The following ERBB3 variants were observed in gnomAD, a reference collection of about 807,000 sequenced individuals.
The protein encoded by ERBB3 is erb-b2 receptor tyrosine kinase 3.
A neutral mutation model predicts 156.7 loss-of-function variants in ERBB3; 96 were observed. That is an observed-to-expected ratio of 0.61 (90% CI 0.52 to 0.73). The LOEUF (loss-of-function observed/expected upper bound fraction) is 0.73, where lower values mean the gene tolerates loss of function less well. ERBB3 is among the 30% of genes least tolerant of loss of function. The probability of loss-of-function intolerance (pLI) is 0.00; values close to 1 mark genes in which losing one functional copy is unlikely to be tolerated. For synonymous variants in ERBB3, 567 were observed against 632.0 expected (o/e 0.90, Z 1.54); for missense variants, 1,406 against 1,709.4 (o/e 0.82, Z 3.13).
Position 56,102,004 on chromosome 12 carries a change from T to G in ERBB3, c.3978T>G (p.Pro1326=). 1 of 1,613,490 alleles carries G rather than the reference T, an allele frequency of 6.2e-7. No homozygotes were observed. The highest frequency in any genetic ancestry group is 2.2e-5 in the East Asian group (1 of 44,870). The change falls in exon 28 of 28, where the codon CCT becomes CCG. Residue 1326 remains proline, a synonymous_variant. Coordinates refer to ENST00000267101, the MANE Select transcript of ERBB3 (RefSeq NM_001982.4). Reference sequence around the variant, plus strand: ...CTACAGACTCTGCCTTTGATAACCCTGATTACTGGCATAGCAGGCTTTTCC... The same window carrying G: ...CTACAGACTCTGCCTTTGATAACCCGGATTACTGGCATAGCAGGCTTTTCC... ...LEATDSAFDN[P]DYWHSRLFPK... is the part of the protein sequence containing the mutation.
At chr12:56,088,401 CA>C (rs1868557461) in intron 7 of ERBB3, 141 bp from the exon 8 acceptor site, 1 of 857,534 alleles carries the variant, frequency 1.2e-6, no homozygotes, top group African/African-American at 1.7e-5. Context: ...ATCTATAGGG[CA>C]GCACTTAAGG....
chr12:56,097,377 G>A, intron 20 of ERBB3, 147 bp downstream of exon 20: 3 of 767,234 alleles, frequency 3.9e-6, no homozygotes, highest in Non-Finnish European at 6.9e-6. Flanking sequence ...TTAGGAACCA[G>A]GCCACAGAGC....
chr12:56,089,514 G>A (rs141292133), intron 9 of ERBB3, among the ~76,000 whole-genome samples: 3,657 of 152,156 alleles, frequency 0.024, 67 homozygotes, highest in East Asian at 0.059. Flanking sequence ...TTGGGAGGCC[G>A]AGGTGGGCGG....
intron 1 of ERBB3, chr12:56,083,463 T>C (rs1038610538): frequency 8.9e-6 from 4 of 448,602 alleles, no homozygotes; most frequent in Non-Finnish European, 1.7e-5. Context: ...GTCTTCCTTC[T>C]CAGTTAACCC....
chr12:56,085,042 C>T lies in ERBB3; in HGVS notation c.282C>T (p.Phe94=), dbSNP rs762522193. The T allele has an allele frequency of 1.2e-6, 2 of 1,613,988 alleles. No homozygotes were observed. Among genetic ancestry groups the T allele is most frequent in the African/African-American group, 1.3e-5 (1 of 74,894 alleles). Residue 94 remains phenylalanine, a synonymous_variant, in exon 3 of 28, where the codon TTC becomes TTT. Coordinates refer to ENST00000267101, the MANE Select transcript of ERBB3 (RefSeq NM_001982.4). ...TGYVLVAMNE[F]STLPLPNLRV... ...ATGTCCTCGTGGCCATGAATGAATT[C>T]TCTACTCTACCATTGCCCAACCTCC...
chr12:56,089,177 A>G (rs1359828036), intron 9 of ERBB3: 1 of 469,054 alleles, frequency 2.1e-6, no homozygotes, highest in Non-Finnish European at 4.2e-6. Flanking sequence ...TCTGTCACCT[A>G]GGCTGGAGTG....
At chr12:56,097,700 G>T in intron 20 of ERBB3, 85 bp from the exon 21 acceptor site, 2 of 1,418,462 alleles carry the variant, frequency 1.4e-6, no homozygotes, top group South Asian at 2.3e-5. Flanking sequence ...ACTGCTGAGA[G>T]GTACCTTCAA....
chr12:56,090,445 A>C (rs1212584295), intron 9 of ERBB3, among the ~76,000 whole-genome samples: 1 of 151,180 alleles, frequency 6.6e-6, no homozygotes, highest in Non-Finnish European at 1.5e-5. Flanking sequence ...AGAGATTGAG[A>C]CCATCCTGGC....
intron 21 of ERBB3, 27 bp from the exon 22 acceptor site, chr12:56,098,473 T>G (rs1158258840): frequency 6.5e-7 from 1 of 1,541,206 alleles, no homozygotes; most frequent in Non-Finnish European, 9.0e-7. Context: ...GAAATAAACT[T>G]GTGATACCTC....
At position 56,103,367 on chromosome 12, in the gene ERBB3, G is replaced by T; in HGVS notation, c.*1312G>T. On this transcript the variant is annotated 3_prime_UTR_variant, in exon 28 of 28. Coordinates refer to ENST00000267101, the MANE Select transcript of ERBB3 (RefSeq NM_001982.4). Reference sequence around the variant, plus strand: ...CCAGCAGTGAGAAGCTTCCAGGTAGGACAGAAAAAAGATCCAGCTTCAGCT... The same window carrying T: ...CCAGCAGTGAGAAGCTTCCAGGTAGTACAGAAAAAAGATCCAGCTTCAGCT... The T allele has an allele frequency of 4.6e-6, 1 of 218,970 alleles. No homozygotes were observed. The allele number at this position is 218,970 out of a possible 1,614,324, so 13.6% of individuals were successfully genotyped here.
chr12:56,097,267 G>T, intron 20 of ERBB3, 37 bp downstream of exon 20: 1 of 1,594,644 alleles, frequency 6.3e-7, no homozygotes, highest in East Asian at 2.2e-5. Flanking sequence ...GATAAGAACT[G>T]CTTGTCTGGG....
intron 27 of ERBB3, 57 bp from the exon 28 acceptor site, chr12:56,101,472 C>T: frequency 1.2e-6 from 2 of 1,604,474 alleles, no homozygotes; most frequent in Non-Finnish European, 8.5e-7. Context: ...TTTTTTCAAA[C>T]TTTCCCCTAC....
At position 56,103,084 on chromosome 12, in the gene ERBB3, A is replaced by G. The variant is rs1335295028; in HGVS notation, c.*1029A>G. On this transcript the variant is annotated 3_prime_UTR_variant, in exon 28 of 28. Transcript: ENST00000267101. ...CTCTTATTGTAAGGTGCCAAGAAAA[A>G]CTGATTTAAGTTACAGCCCTTGTTT... The G allele has an allele frequency of 4.3e-6, 1 of 230,608 alleles. No homozygotes were observed. The highest frequency in any genetic ancestry group is 2.2e-5 in the African/African-American group (1 of 45,170). 14.3% of individuals were successfully genotyped at this position (230,608 alleles called of 1,614,324 possible). A position where few individuals can be genotyped will look rare whatever the true frequency, so the allele number is the denominator to read the frequency against.
Position 56,092,731 on chromosome 12 carries a change from C to T in ERBB3, c.1110-16C>T, listed in dbSNP as rs1272912145. 3.1e-6 allele frequency: 5 copies of T among 1,602,600 alleles called. No homozygotes were observed. The highest frequency in any genetic ancestry group is 3.4e-6 in the Non-Finnish European group (4 of 1,169,626). On this transcript the variant is annotated splice_polypyrimidine_tract_variant and intron_variant, in intron 9 of 27. Transcript: ENST00000267101. Reference sequence around the variant, plus strand: ...ATACCTTTACCTTATTGACTGGTTTCTACTGTTCTATTCAGAGACCCCTGG... The same window carrying T: ...ATACCTTTACCTTATTGACTGGTTTTTACTGTTCTATTCAGAGACCCCTGG...
Position 56,099,744 on chromosome 12 carries a change from A to C in ERBB3, c.2936A>C (p.Lys979Thr). ...ARDPPRYLVI[K>T]RESGPGIAPG... is the part of the protein sequence containing the mutation. ...GACCCACCACGGTATCTGGTCATAA[A>C]GGTGAGTAGGGAGTAGGAGGTGCTA... The change falls in exon 24 of 28, where the codon AAG becomes ACG. Residue 979 changes from lysine (K) to threonine (T), a missense_variant and splice_region_variant. This residue lies in a region of ERBB3 where 12 missense variants were observed against 35.8 expected (regional missense o/e 0.34). Transcript: ENST00000267101. The C allele has an allele frequency of 1.2e-6, 2 of 1,613,864 alleles. No homozygotes were observed. The highest frequency in any genetic ancestry group is 1.7e-6 in the Non-Finnish European group (2 of 1,179,684).
In ERBB3 at chr12:56,082,526, T is replaced by C. The variant is rs552329509; in HGVS notation, c.83-1225T>C. Among the ~76,000 whole-genome samples, 14 of 152,210 alleles carry C rather than the reference T, an allele frequency of 9.2e-5. No individual in the cohort carries two copies. In the South Asian group the frequency reaches 2.3e-3, roughly 25 times the overall value. On this transcript the variant is annotated intron_variant, in intron 1 of 27. Coordinates refer to ENST00000267101, the MANE Select transcript of ERBB3 (RefSeq NM_001982.4). ...GAAGTCAGACTAGGGGTGTATGTTATAGGAGGGATTGGGGCCTCACCAGTC... is the reference window on the plus strand; with the variant it reads ...GAAGTCAGACTAGGGGTGTATGTTACAGGAGGGATTGGGGCCTCACCAGTC...
chr12:56,080,327 G>T lies in ERBB3; in HGVS notation c.27G>T (p.Val9=). 5 of 1,585,716 alleles carry T rather than the reference G, an allele frequency of 3.2e-6. No homozygotes were observed. The highest frequency in any genetic ancestry group is 4.3e-6 in the Non-Finnish European group (5 of 1,164,958). The change falls in exon 1 of 28, where the codon GTG becomes GTT. Residue 9 remains valine, a synonymous_variant. Transcript: ENST00000267101. ...TGAGGGCGAACGACGCTCTGCAGGT[G>T]CTGGGCTTGCTTTTCAGCCTGGCCC... The part of the protein sequence containing the change: MRANDALQ[V]LGLLFSLARG...
intron 3 of ERBB3, chr12:56,085,498 A>AT (rs1377801887): frequency 7.8e-7 from 1 of 1,282,290 alleles, no homozygotes; most frequent in Non-Finnish European, 9.9e-7. Context: ...TAATCCCAGC[A>AT]TTTTGGGAGG....
chr12:56,094,325 T>G, intron 14 of ERBB3, 77 bp from the exon 15 acceptor site: 1 of 1,558,026 alleles, frequency 6.4e-7, no homozygotes, highest in Non-Finnish European at 8.9e-7. Context: ...ATCCTGAATG[T>G]CTGGGTTGGT....
Sources: allele counts gnomAD v4.1 joint callset (sites outside exome capture counted in the v4.1 genomes callset), GRCh38; gene constraint gnomAD v4.1.1; regional missense constraint gnomAD v4.1.1; transcripts MANE v1.5; gene names NCBI Gene and HGNC (gene_info 2026-07-23, HGNC 2026-07-21).